The following PPP2R3A variants were observed in gnomAD, a reference collection of about 807,000 sequenced individuals.
PPP2R3A encodes the protein protein phosphatase 2 regulatory subunit B''alpha.
PPP2R3A carries 80 observed loss-of-function variants against 106.9 expected under a neutral mutation model. That is an observed-to-expected ratio of 0.75 (90% CI 0.62 to 0.90). The LOEUF is 0.90. Ranked by LOEUF, PPP2R3A falls within the 40% of genes least tolerant of loss-of-function variation. The pLI is 0.00. For synonymous variants in PPP2R3A, 483 were observed against 468.3 expected, an observed-to-expected ratio of 1.03 and a Z score of -0.41; for missense variants, 1,386 against 1,350.4, an observed-to-expected ratio of 1.03 and a Z score of -0.41.
intron 2 of PPP2R3A, chr3:136,023,087 A>T: frequency 6.2e-7 from 1 of 1,613,324 alleles, no homozygotes; most frequent in South Asian, 1.1e-5. Context: ...TCAAGGAAAC[A>T]TCTCTACGAA....
At chr3:136,099,073 A>G (rs919341179) in intron 10 of PPP2R3A, among the ~76,000 whole-genome samples, 5 of 152,190 alleles carry the variant, frequency 3.3e-5, no homozygotes, top group African/African-American at 1.2e-4. Flanking sequence ...TCACTCAGCT[A>G]ACAGAATGCT....
At chr3:136,131,094 G>T (rs1489720910) in intron 13 of PPP2R3A, among the ~76,000 whole-genome samples, 1 of 152,148 alleles carries the variant, frequency 6.6e-6, no homozygotes, top group Non-Finnish European at 1.5e-5. Flanking sequence ...CAGGACATAG[G>T]CATGGGCAAG....
At chr3:136,063,221 T>G (rs1936142396) in intron 5 of PPP2R3A, among the ~76,000 whole-genome samples, 1 of 152,170 alleles carries the variant, frequency 6.6e-6, no homozygotes, top group Non-Finnish European at 1.5e-5. Context: ...TAGCCATATG[T>G]AGAAAGCTGA....
At chr3:136,144,537 T>C (rs1323357264) in intron 13 of PPP2R3A, among the ~76,000 whole-genome samples, 2 of 151,980 alleles carry the variant, frequency 1.3e-5, no homozygotes, top group Non-Finnish European at 2.9e-5. Flanking sequence ...GGCGCATGCA[T>C]GTAGTCCCAG....
intron 5 of PPP2R3A, among the ~76,000 whole-genome samples, chr3:136,066,579 G>A (rs1936267633): frequency 6.6e-6 from 1 of 152,148 alleles, no homozygotes; most frequent in Non-Finnish European, 1.5e-5. Context: ...GTACGGTGCT[G>A]GCATCTGCTT....
intron 2 of PPP2R3A, among the ~76,000 whole-genome samples, chr3:136,007,039 A>T (rs2107796170): frequency 6.6e-6 from 1 of 152,332 alleles, no homozygotes; most frequent in East Asian, 1.9e-4. Flanking sequence ...TAAAGTCAGA[A>T]TTTAAGCAGG....
chr3:136,065,765 A>C (rs1377749579), intron 5 of PPP2R3A, among the ~76,000 whole-genome samples: 1 of 152,176 alleles, frequency 6.6e-6, no homozygotes, highest in East Asian at 1.9e-4. Flanking sequence ...AGCCTCAACT[A>C]TGTGGGCTCA....
intron 10 of PPP2R3A, among the ~76,000 whole-genome samples, chr3:136,093,384 G>C (rs1016431316): frequency 2.6e-5 from 4 of 152,130 alleles, no homozygotes; most frequent in Non-Finnish European, 5.9e-5. Context: ...ACTCCAACCT[G>C]GGTGACAGAG....
At chr3:136,022,762 C>T in intron 2 of PPP2R3A, 4 of 1,133,582 alleles carry the variant, frequency 3.5e-6, no homozygotes, top group South Asian at 2.3e-5. Context: ...ATATTCTCAA[C>T]ATGTGCAGGT....
chr3:135,969,723 T>C (rs528628101), intron 1 of PPP2R3A, among the ~76,000 whole-genome samples: 17 of 152,200 alleles, frequency 1.1e-4, no homozygotes, highest in Non-Finnish European at 1.6e-4. Flanking sequence ...TACAGTGGTT[T>C]TGTTATTGTT....
chr3:136,039,556 C>A (rs1400826716), intron 3 of PPP2R3A, among the ~76,000 whole-genome samples: 2 of 152,062 alleles, frequency 1.3e-5, no homozygotes, highest in Non-Finnish European at 2.9e-5. Flanking sequence ...CAACCTAGAT[C>A]CCTTGCATGC....
At chr3:136,111,408 T>A (rs918276950) in intron 13 of PPP2R3A, among the ~76,000 whole-genome samples, 2 of 152,110 alleles carry the variant, frequency 1.3e-5, no homozygotes, top group Non-Finnish European at 2.9e-5. Flanking sequence ...AAAAAGGTTA[T>A]TAACTGAAAA....
chr3:136,051,729 T>G (rs777878927), intron 5 of PPP2R3A, among the ~76,000 whole-genome samples: 28 of 152,188 alleles, frequency 1.8e-4, no homozygotes, highest in Non-Finnish European at 3.5e-4. Context: ...TGTGGGCATA[T>G]CCGTATAACT....
intron 5 of PPP2R3A, among the ~76,000 whole-genome samples, chr3:136,057,989 T>C (rs34490075): frequency 1.8e-3 from 268 of 152,262 alleles, no homozygotes; most frequent in Admixed American, 3.7e-3. Context: ...TGAAGAAATA[T>C]CTACACTGCC....
Position 136,037,942 on chromosome 3 carries a change from A to G in PPP2R3A, c.2263-2917A>G, listed in dbSNP as rs537288262. On this transcript the variant is annotated intron_variant, in intron 3 of 13. Coordinates refer to ENST00000264977, the MANE Select transcript of PPP2R3A (RefSeq NM_002718.5). Reference sequence around the variant, plus strand: ...CACTTGCTATCCACTCTTCCTTTGTAAAAAAAAAAACAAAAACAAAATGTC... The same window carrying G: ...CACTTGCTATCCACTCTTCCTTTGTGAAAAAAAAAACAAAAACAAAATGTC... Among the ~76,000 whole-genome samples, 9 of 142,212 alleles carry G rather than the reference A, an allele frequency of 6.3e-5. No homozygotes were observed. The East Asian group carries it at 1.8e-3, about 29-fold the overall frequency. 93.3% of individuals were successfully genotyped at this position (142,212 alleles called of 152,430 possible). A position where few individuals can be genotyped will look rare whatever the true frequency, so the allele number is the denominator to read the frequency against.
intron 1 of PPP2R3A, among the ~76,000 whole-genome samples, chr3:135,966,225 C>T (rs1937080207): frequency 6.6e-6 from 1 of 152,168 alleles, no homozygotes; most frequent in Non-Finnish European, 1.5e-5. Context: ...AACTTGTTAA[C>T]AGGAAAGCCT....
chr3:136,124,664 A>G (rs542251492), intron 13 of PPP2R3A, among the ~76,000 whole-genome samples: 2 of 152,260 alleles, frequency 1.3e-5, no homozygotes, highest in South Asian at 2.1e-4. Context: ...ATAGAAATCA[A>G]TGAAATAGAA....
chr3:136,034,666 T>C (rs1283003686), intron 3 of PPP2R3A, among the ~76,000 whole-genome samples: 1 of 152,208 alleles, frequency 6.6e-6, no homozygotes, highest in Non-Finnish European at 1.5e-5. Context: ...TGGAGAAAGT[T>C]CCATGTGCTG....
chr3:136,087,245 G>GTCTCTC (rs34566151), intron 8 of PPP2R3A, among the ~76,000 whole-genome samples: 3,785 of 75,036 alleles, frequency 0.05, 448 homozygotes, highest in East Asian at 0.099. Flanking sequence ...CTCTAGTCGT[G>GTCTCTC]TCTCTCTCTC....
Sources: allele counts gnomAD v4.1 joint callset (sites outside exome capture counted in the v4.1 genomes callset), GRCh38; gene constraint gnomAD v4.1.1; transcripts MANE v1.5; gene names NCBI Gene and HGNC (gene_info 2026-07-23, HGNC 2026-07-21).